The following CSMD3 variants were observed in gnomAD, a reference collection of about 807,000 sequenced individuals.
CSMD3 encodes the protein CUB and Sushi multiple domains 3, also known as CUB and sushi domain-containing protein 3.
CSMD3 carries 177 observed loss-of-function variants against 435.2 expected under a neutral mutation model. The ratio of observed to expected loss-of-function variants is 0.41; its 90% CI spans 0.36 to 0.46. CSMD3 has a LOEUF of 0.46. Among genes scored for constraint, CSMD3 ranks in the 20% least tolerant of loss-of-function variants. CSMD3 has a pLI of 0.34. For missense variants in CSMD3, 4,265 were observed against 4,504.6 expected, an observed-to-expected ratio of 0.95 and a Z score of 1.52; for synonymous variants, 1,656 against 1,520.5, an observed-to-expected ratio of 1.09 and a Z score of -2.07.
At chr8:112,615,259 T>C (rs570992398) in intron 22 of CSMD3, among the ~76,000 whole-genome samples, 23 of 152,240 alleles carry the variant, frequency 1.5e-4, no homozygotes, top group African/African-American at 5.3e-4. Flanking sequence ...TCCGAATGCA[T>C]AGTGGATGAG....
chr8:113,210,679 A>T (rs1260187546), intron 3 of CSMD3, among the ~76,000 whole-genome samples: 1 of 151,898 alleles, frequency 6.6e-6, no homozygotes, highest in Non-Finnish European at 1.5e-5. Flanking sequence ...GGAGTTCGAG[A>T]CCAGCCTGGC....
intron 32 of CSMD3, among the ~76,000 whole-genome samples, chr8:112,454,431 A>G (rs1816611573): frequency 6.6e-6 from 1 of 152,062 alleles, no homozygotes; most frequent in Admixed American, 6.6e-5. Context: ...ATAACCAATA[A>G]CTCCACCAAA....
chr8:112,630,684 G>A (rs1040672656), intron 22 of CSMD3, among the ~76,000 whole-genome samples: 5 of 152,098 alleles, frequency 3.3e-5, no homozygotes, highest in Non-Finnish European at 5.9e-5. Flanking sequence ...TAAAAAGAGA[G>A]GGAGGAAGGA....
intron 6 of CSMD3, among the ~76,000 whole-genome samples, chr8:113,004,745 T>C (rs1052346626): frequency 3.3e-5 from 5 of 151,944 alleles, no homozygotes; most frequent in Non-Finnish European, 5.9e-5. Context: ...TTATGGAAAG[T>C]AGATAAATGA....
intron 23 of CSMD3, among the ~76,000 whole-genome samples, chr8:112,579,961 G>A (rs766926663): frequency 2.0e-5 from 3 of 151,860 alleles, no homozygotes; most frequent in East Asian, 3.9e-4. Context: ...AATTGTAACC[G>A]TGGTAAAAAG....
At chr8:112,747,962 C>CAA (rs71309788) in intron 13 of CSMD3, among the ~76,000 whole-genome samples, 242 of 96,192 alleles carry the variant, frequency 2.5e-3, no homozygotes, top group Middle Eastern at 6.0e-3. Flanking sequence ...GACTCCGTCT[C>CAA]AAAAAAAAAA....
At chr8:112,720,017 T>C (rs1274071693) in intron 13 of CSMD3, among the ~76,000 whole-genome samples, 1 of 152,194 alleles carries the variant, frequency 6.6e-6, no homozygotes, top group Non-Finnish European at 1.5e-5. Context: ...CTTTTGGTCA[T>C]GAAGACAAGC....
At chr8:113,098,044 T>C (rs2131542777) in intron 5 of CSMD3, among the ~76,000 whole-genome samples, 1 of 152,106 alleles carries the variant, frequency 6.6e-6, no homozygotes, top group South Asian at 2.1e-4. Context: ...ATCTCTTCAT[T>C]TCAGTAAGAA....
intron 5 of CSMD3, among the ~76,000 whole-genome samples, chr8:113,088,153 C>G (rs1207069734): frequency 2.9e-4 from 43 of 149,816 alleles, no homozygotes; most frequent in Admixed American, 2.9e-3. Flanking sequence ...ATCAAAACCA[C>G]AATGAGATAC....
intron 22 of CSMD3, among the ~76,000 whole-genome samples, chr8:112,588,526 A>G (rs941093818): frequency 6.6e-6 from 1 of 152,080 alleles, no homozygotes; most frequent in African/African-American, 2.4e-5. Context: ...TTACTTAAGC[A>G]TGTTCAAAAA....
chr8:112,917,812 T>C (rs908548839), intron 10 of CSMD3, among the ~76,000 whole-genome samples: 3 of 152,022 alleles, frequency 2.0e-5, no homozygotes, highest in African/African-American at 7.2e-5. Context: ...TCTCCAATTT[T>C]ATCTCACTCT....
At chr8:113,422,434 C>T (rs11985229) in intron 1 of CSMD3, among the ~76,000 whole-genome samples, 2,747 of 152,236 alleles carry the variant, frequency 0.018, 95 homozygotes, top group African/African-American at 0.06. Flanking sequence ...AACTTGACCT[C>T]ATTTGTTTGT....
At chr8:113,245,948 T>G (rs1268111843) in intron 3 of CSMD3, among the ~76,000 whole-genome samples, 1 of 151,990 alleles carries the variant, frequency 6.6e-6, no homozygotes, top group Admixed American at 6.6e-5. Context: ...ATACCACCAC[T>G]TTTAACCTCC....
chr8:113,025,417 A>G (rs1394198800), intron 5 of CSMD3, among the ~76,000 whole-genome samples: 1 of 152,172 alleles, frequency 6.6e-6, no homozygotes, highest in African/African-American at 2.4e-5. Flanking sequence ...TCTGGACTGC[A>G]AAAACTTACG....
rs2130106406 is a variant in CSMD3 at position 112,244,381 on chromosome 8, A to T, written c.10402+13T>A. ...ATCTCTTGTGTTAAAAAGATTCTAT[A>T]GAGAAAACTTACCTTCACAAATGGG... On this transcript the variant is annotated intron_variant, in intron 65 of 70. Transcript: ENST00000297405. 6.2e-7 allele frequency: 1 copy of T among 1,605,368 alleles called. No individual in the cohort carries two copies. The highest frequency in any genetic ancestry group is 8.5e-7 in the Non-Finnish European group (1 of 1,172,530).
At chr8:112,816,243 A>G (rs1035633840) in intron 12 of CSMD3, among the ~76,000 whole-genome samples, 2 of 152,192 alleles carry the variant, frequency 1.3e-5, no homozygotes, top group African/African-American at 4.8e-5. Flanking sequence ...GGAATTCAGG[A>G]AAATCTGAGA....
Position 112,573,483 on chromosome 8 carries a change from C to T in CSMD3, c.4042+18G>A, listed in dbSNP as rs1422885494. 1 of 1,604,758 alleles carries T rather than the reference C, an allele frequency of 6.2e-7. No homozygotes were observed. Among genetic ancestry groups the T allele is most frequent in the Middle Eastern group, 1.7e-4 (1 of 6,038 alleles). On this transcript the variant is annotated intron_variant, in intron 24 of 70. Coordinates refer to ENST00000297405, the MANE Select transcript of CSMD3 (RefSeq NM_198123.2). Reference sequence around the variant, plus strand: ...AGCACCCCAGTGTTTGGCCATTTTACTCTTCTAAAATACTTACTGGTATAC... The same window carrying T: ...AGCACCCCAGTGTTTGGCCATTTTATTCTTCTAAAATACTTACTGGTATAC...
chr8:112,251,561 T>C (rs1394559633), intron 63 of CSMD3, among the ~76,000 whole-genome samples: 1 of 151,754 alleles, frequency 6.6e-6, no homozygotes, highest in Non-Finnish European at 1.5e-5. Context: ...AATAAAACAC[T>C]ATGAAACATA....
intron 1 of CSMD3, among the ~76,000 whole-genome samples, chr8:113,325,246 G>T (rs1183464682): frequency 1.3e-5 from 2 of 152,070 alleles, no homozygotes; most frequent in Non-Finnish European, 2.9e-5. Flanking sequence ...GGGGCCAGGG[G>T]CAGAAAAATA....
Sources: allele counts gnomAD v4.1 joint callset (sites outside exome capture counted in the v4.1 genomes callset), GRCh38; gene constraint gnomAD v4.1.1; transcripts MANE v1.5; gene names NCBI Gene and HGNC (gene_info 2026-07-23, HGNC 2026-07-21).